The following DCLK1 variants were observed in gnomAD, a reference collection of about 807,000 sequenced individuals.
DCLK1 encodes the protein serine/threonine-protein kinase DCLK1.
DCLK1 carries 16 observed loss-of-function variants against 86.2 expected under a neutral mutation model. The observed-to-expected ratio is 0.19, with a 90% CI of 0.13 to 0.28. DCLK1 has a LOEUF of 0.28. Ranked by LOEUF, DCLK1 falls within the 10% of genes least tolerant of loss-of-function variation. The pLI, the probability that DCLK1 is intolerant of heterozygous loss-of-function variation, is 1.00. For synonymous variants in DCLK1, 369 were observed against 370.5 expected (o/e 1.00, Z 0.05); for missense variants, 590 against 940.2 (o/e 0.63, Z 4.87).
intron 2 of DCLK1, among the ~76,000 whole-genome samples, chr13:36,125,158 C>A (rs1196837078): frequency 6.6e-6 from 1 of 152,142 alleles, no homozygotes; most frequent in East Asian, 1.9e-4. Flanking sequence ...CCCTGCATAT[C>A]CTCAAAAATC....
At chr13:35,971,613 A>T (rs1879062329) in intron 3 of DCLK1, among the ~76,000 whole-genome samples, 1 of 152,158 alleles carries the variant, frequency 6.6e-6, no homozygotes, top group Non-Finnish European at 1.5e-5. Flanking sequence ...AAATACAAAA[A>T]TTAGCCAGGC....
intron 3 of DCLK1, among the ~76,000 whole-genome samples, chr13:35,971,670 G>T (rs538619509): frequency 1.3e-5 from 2 of 151,532 alleles, no homozygotes; most frequent in East Asian, 3.9e-4. Flanking sequence ...GACTGAAGCA[G>T]AAGAATCTCT....
intron 16 of DCLK1, among the ~76,000 whole-genome samples, chr13:35,788,606 C>T (rs2086660203): frequency 6.6e-6 from 1 of 152,142 alleles, no homozygotes; most frequent in Non-Finnish European, 1.5e-5. Context: ...AAATGCTTCA[C>T]AATTCAATAA....
At chr13:36,045,674 A>G (rs916661523) in intron 3 of DCLK1, among the ~76,000 whole-genome samples, 2 of 151,846 alleles carry the variant, frequency 1.3e-5, no homozygotes, top group African/African-American at 2.4e-5. Flanking sequence ...CAACGTGGTA[A>G]AACCCCATAT....
chr13:35,915,872 A>G (rs1053942609), intron 4 of DCLK1, among the ~76,000 whole-genome samples: 2 of 152,214 alleles, frequency 1.3e-5, no homozygotes, highest in Non-Finnish European at 2.9e-5. Flanking sequence ...GGCTGCCACC[A>G]AATAAAAAGT....
intron 4 of DCLK1, among the ~76,000 whole-genome samples, chr13:35,903,027 G>C (rs1365912157): frequency 6.6e-6 from 1 of 152,052 alleles, no homozygotes; most frequent in Non-Finnish European, 1.5e-5. Flanking sequence ...TCAGTGGGAA[G>C]AATGGGGCAG....
At chr13:35,970,607 AGT>A (rs1248294626) in intron 3 of DCLK1, among the ~76,000 whole-genome samples, 3 of 152,150 alleles carry the variant, frequency 2.0e-5, no homozygotes, top group Non-Finnish European at 2.9e-5. Flanking sequence ...TGTGAAGAAT[AGT>A]GTTCCTCCTT....
At chr13:36,083,308 T>C (rs1290625410) in intron 3 of DCLK1, among the ~76,000 whole-genome samples, 1 of 152,302 alleles carries the variant, frequency 6.6e-6, no homozygotes, top group East Asian at 1.9e-4. Flanking sequence ...ACTAAAAATG[T>C]CTAGTTTGTT....
chr13:35,870,687 T>C (rs1015880575), intron 5 of DCLK1, among the ~76,000 whole-genome samples: 10 of 152,220 alleles, frequency 6.6e-5, no homozygotes, highest in Non-Finnish European at 1.5e-5. Flanking sequence ...GTGCTCATCT[T>C]GTGCATACAC....
At chr13:36,124,239 G>C (rs1886091667) in intron 2 of DCLK1, among the ~76,000 whole-genome samples, 1 of 152,118 alleles carries the variant, frequency 6.6e-6, no homozygotes, top group Admixed American at 6.5e-5. Context: ...ATTTAACCTT[G>C]GATTTCCAAA....
chr13:36,048,246 G>T (rs1280641144), intron 3 of DCLK1, among the ~76,000 whole-genome samples: 1 of 152,048 alleles, frequency 6.6e-6, no homozygotes, highest in Non-Finnish European at 1.5e-5. Flanking sequence ...TTTCACTAGG[G>T]ACAAAGCATT....
At chr13:36,086,242 G>C (rs1460431713) in intron 3 of DCLK1, among the ~76,000 whole-genome samples, 1 of 151,992 alleles carries the variant, frequency 6.6e-6, no homozygotes, top group African/African-American at 2.4e-5. Flanking sequence ...TCAATGTCAG[G>C]AGCTGTTTCT....
At chr13:35,967,087 T>C (rs1416117598) in intron 3 of DCLK1, among the ~76,000 whole-genome samples, 1 of 146,008 alleles carries the variant, frequency 6.8e-6, no homozygotes, top group Non-Finnish European at 1.5e-5. Flanking sequence ...GCCCATCGTC[T>C]GGGATGTGGG....
chr13:36,059,641 T>C (rs565636347), intron 3 of DCLK1, among the ~76,000 whole-genome samples: 35 of 152,298 alleles, frequency 2.3e-4, no homozygotes, highest in Middle Eastern at 3.4e-3. Flanking sequence ...TAGCCAGAAC[T>C]AATGGTGGGG....
chr13:36,074,019 C>T (rs1884075077), intron 3 of DCLK1, among the ~76,000 whole-genome samples: 3 of 152,004 alleles, frequency 2.0e-5, no homozygotes, highest in Admixed American at 2.0e-4. Flanking sequence ...ATTGGATAAC[C>T]ATTTAGTTAT....
At chr13:35,937,132 G>T (rs1876806929) in intron 4 of DCLK1, among the ~76,000 whole-genome samples, 1 of 97,448 alleles carries the variant, frequency 1.0e-5, no homozygotes, top group African/African-American at 2.7e-5. Flanking sequence ...ACCATGTCCG[G>T]CTATTTTTTT....
chr13:35,937,229 T>A (rs1876814411), intron 4 of DCLK1, among the ~76,000 whole-genome samples: 1 of 151,914 alleles, frequency 6.6e-6, no homozygotes, highest in Admixed American at 6.6e-5. Flanking sequence ...CGCCTCAGCC[T>A]CCCAAAGTGC....
At chr13:35,877,941 C>T (rs937986292) in intron 4 of DCLK1, among the ~76,000 whole-genome samples, 3 of 152,148 alleles carry the variant, frequency 2.0e-5, no homozygotes, top group Non-Finnish European at 4.4e-5. Context: ...AATAAGTTGC[C>T]CCTACATGTT....
At chr13:35,949,949 C>A (rs1376233536) in intron 3 of DCLK1, among the ~76,000 whole-genome samples, 3 of 151,340 alleles carry the variant, frequency 2.0e-5, no homozygotes, top group Non-Finnish European at 4.4e-5. Flanking sequence ...ACTGTCATCA[C>A]CCAGCACAAA....
Sources: allele counts gnomAD v4.1 joint callset (sites outside exome capture counted in the v4.1 genomes callset), GRCh38; gene constraint gnomAD v4.1.1; transcripts MANE v1.5; gene names NCBI Gene and HGNC (gene_info 2026-07-23, HGNC 2026-07-21).